Variants in TNS1 observed in about 807,000 individuals in gnomAD.
The protein encoded by TNS1 is tensin 1, also known as tensin-1.
A neutral mutation model predicts 168.6 loss-of-function variants in TNS1; 62 were observed. The observed-to-expected ratio is 0.37, with a 90% confidence interval of 0.30 to 0.45. TNS1 has a LOEUF of 0.45. TNS1 is among the 20% of genes least tolerant of loss of function. The pLI, the probability that TNS1 is intolerant of heterozygous loss-of-function variation, is 1.00. For synonymous variants in TNS1, 934 were observed against 933.2 expected (o/e 1.00, Z -0.02); for missense variants, 2,240 against 2,339.4 (o/e 0.96, Z 0.88).
Position 217,818,315 on chromosome 2 carries a change from G to A in TNS1, c.4017C>T (p.Ser1339=), listed in dbSNP as rs1942251067. 1.2e-6 allele frequency: 2 copies of A among 1,613,850 alleles called. No individual in the cohort carries two copies. Among genetic ancestry groups the A allele is most frequent in the Non-Finnish European group, 1.7e-6 (2 of 1,179,962 alleles). Residue 1339 remains serine, a synonymous_variant, in exon 24 of 33, where the codon AGC becomes AGT. Transcript: ENST00000682258. ...FHGSTVSSPQ[S]SAATTPGSPS... The stretch of plus-strand genomic sequence containing the variant: ...GGCTCCCCGGGGTGGTCGCTGCACT[G>A]CTCTGGGGGCTGGAGACAGTGCTAC...
chr2:217,938,195 G>A (rs1224657694), intron 3 of TNS1, among the ~76,000 whole-genome samples: 3 of 152,202 alleles, frequency 2.0e-5, no homozygotes, highest in Non-Finnish European at 4.4e-5. Context: ...GCTGCAACTG[G>A]GCGGGCCAGG....
rs1953912579 is a variant in TNS1 at position 217,907,965 on chromosome 2, T to C, written c.229-714A>G. On this transcript the variant is annotated intron_variant, in intron 4 of 32. Coordinates refer to ENST00000682258, the MANE Select transcript of TNS1 (RefSeq NM_001387777.1). ...AGCCCTCCCTGGCCACCCCAGCAAG[T>C]AGGATCTCTTTCCCACCTCTGAACT... Among the ~76,000 whole-genome samples the C allele has an allele frequency of 2.0e-5, 3 of 152,164 alleles. No homozygotes were observed. The South Asian group carries it at 6.2e-4, about 32-fold the overall frequency.
At chr2:217,960,044 G>T (rs1179083148) in intron 3 of TNS1, among the ~76,000 whole-genome samples, 6 of 152,024 alleles carry the variant, frequency 3.9e-5, no homozygotes, top group African/African-American at 1.5e-4. Flanking sequence ...GTCTAGAAGG[G>T]ACTCTCAGTA....
intron 9 of TNS1, 95 bp downstream of exon 9, chr2:217,894,911 C>G: frequency 2.4e-6 from 3 of 1,241,548 alleles, no homozygotes; most frequent in Non-Finnish European, 3.5e-6. Context: ...CAAACTGTCA[C>G]AGCATTTTCC....
chr2:217,848,536 C>T lies in TNS1; in HGVS notation c.1981G>A (p.Ala661Thr), dbSNP rs759362727. 2.3e-5 allele frequency: 37 copies of T among 1,613,706 alleles called. No individual in the cohort carries two copies. The highest frequency in any genetic ancestry group is 2.6e-5 in the Non-Finnish European group (31 of 1,179,840). Residue 661 changes from alanine (A) to threonine (T), a missense_variant, in exon 19 of 33, where the codon GCC (alanine) becomes ACC (threonine). Around this residue, in one of 2 missense-constraint regions of TNS1, gnomAD observed 2,131 missense variants for 2,171.2 expected, o/e 0.98. Transcript: ENST00000682258. The part of the protein sequence containing the change: ...TNTSEGGYPE[A>T]LSPLTNGLDK... ...AGACCGTTGGTCAGTGGGGACAGGG[C>T]CTCTGGGTAGCCCCCCTCACTGGTG...
chr2:217,928,926 C>G (rs2125893918), intron 3 of TNS1, among the ~76,000 whole-genome samples: 1 of 152,342 alleles, frequency 6.6e-6, no homozygotes, highest in Non-Finnish European at 1.5e-5. Flanking sequence ...CTCCCCACCT[C>G]TAACCACACC....
intron 18 of TNS1, among the ~76,000 whole-genome samples, chr2:217,878,919 C>T (rs1950438153): frequency 6.6e-6 from 1 of 152,232 alleles, no homozygotes; most frequent in Non-Finnish European, 1.5e-5. Flanking sequence ...TGCCCCCTCG[C>T]CCTTCCTTTT....
chr2:217,887,402 G>A (rs1020167902), intron 12 of TNS1, among the ~76,000 whole-genome samples: 3 of 152,098 alleles, frequency 2.0e-5, no homozygotes. Context: ...TCTGCCTCCC[G>A]GGTTCAAGTG....
upstream of TNS1, among the ~76,000 whole-genome samples, chr2:218,003,475 T>A (rs1445101520): frequency 6.6e-6 from 1 of 151,920 alleles, no homozygotes; most frequent in East Asian, 1.9e-4. Flanking sequence ...ACACATGCAT[T>A]TGCACACACA....
chr2:217,996,159 C>T (rs999823867), intron 1 of TNS1, among the ~76,000 whole-genome samples: 1 of 152,184 alleles, frequency 6.6e-6, no homozygotes, highest in South Asian at 2.1e-4. Flanking sequence ...GCTCCTCCTA[C>T]AAAACTCCCT....
At chr2:217,918,060 C>T (rs1230196180) in intron 4 of TNS1, among the ~76,000 whole-genome samples, 1 of 152,044 alleles carries the variant, frequency 6.6e-6, no homozygotes, top group Non-Finnish European at 1.5e-5. Context: ...GGAGCTGAGG[C>T]AAAAGGAAAC....
chr2:218,004,389 G>T (rs369789534), upstream of TNS1, among the ~76,000 whole-genome samples: 3 of 152,168 alleles, frequency 2.0e-5, 1 homozygote, highest in African/African-American at 7.2e-5. Flanking sequence ...CTCACCCAAG[G>T]CCATGCCATG....
At position 217,986,331 on chromosome 2, in the gene TNS1, G is replaced by A. The variant is rs191815871; in HGVS notation, c.148+4611C>T. Among the ~76,000 whole-genome samples, 1 of 152,344 alleles carries A rather than the reference G, an allele frequency of 6.6e-6. No individual in the cohort carries two copies. Among genetic ancestry groups the A allele is most frequent in the African/African-American group, 2.4e-5 (1 of 41,588 alleles). On this transcript the variant is annotated intron_variant, in intron 2 of 32. Transcript: ENST00000682258. This position sits in a 1 kb window ranked among gnomAD's most constrained non-coding sequence, Gnocchi z 4.7. ...GGCTTGTCCTGTTAAAGGACGGATC[G>A]TCTTTCCAGGTGCATCCTGCCCTAA...
chr2:217,855,067 ACT>A (rs1947962175), intron 18 of TNS1, among the ~76,000 whole-genome samples: 1 of 151,840 alleles, frequency 6.6e-6, no homozygotes, highest in Non-Finnish European at 1.5e-5. Flanking sequence ...ATATCCAAGC[ACT>A]CTCTACTTTT....
chr2:217,955,256 C>T (rs372517925), intron 3 of TNS1, among the ~76,000 whole-genome samples: 6 of 152,226 alleles, frequency 3.9e-5, no homozygotes, highest in African/African-American at 1.4e-4. Flanking sequence ...GAAGGTGGCA[C>T]CACCAACACA....
chr2:217,865,934 G>A (rs1221157248), intron 18 of TNS1, among the ~76,000 whole-genome samples: 1 of 152,190 alleles, frequency 6.6e-6, no homozygotes, highest in Admixed American at 6.5e-5. Context: ...GTTTTCCCAT[G>A]TCCACAAGCC....
intron 3 of TNS1, chr2:217,936,966 T>C: frequency 2.2e-6 from 1 of 456,810 alleles, no homozygotes; most frequent in South Asian, 1.5e-5. Context: ...GCTTGTTATT[T>C]CTCCTTACCT....
chr2:217,958,029 A>AC (rs1559387618), intron 3 of TNS1, among the ~76,000 whole-genome samples: 63 of 151,854 alleles, frequency 4.1e-4, no homozygotes, highest in African/African-American at 1.5e-3. Context: ...ACACACACAC[A>AC]AAAGGAGGAG....
chr2:217,923,859 G>T (rs1955865704), intron 3 of TNS1, among the ~76,000 whole-genome samples: 1 of 152,160 alleles, frequency 6.6e-6, no homozygotes, highest in Non-Finnish European at 1.5e-5. Flanking sequence ...GGTGAGCATG[G>T]TAGCCTCCCA....
Sources: gnomAD v4.1 joint callset for allele counts (sites outside exome capture counted in the v4.1 genomes callset) on GRCh38, gnomAD v4.1.1 for gene constraint, gnomAD v4.1.1 regional missense constraint, Gnocchi (gnomAD v3.1) non-coding constraint, MANE v1.5 for transcripts, NCBI Gene and HGNC (gene_info 2026-07-23, HGNC 2026-07-21) for gene names.